HDAC9: variants seen among roughly 807,000 people sequenced by gnomAD.
HDAC9 encodes MEF-2 interacting transcription repressor (MITR) protein.
In HDAC9, 41 loss-of-function variants were observed where a neutral mutation model predicts 139.4. The ratio of observed to expected loss-of-function variants is 0.29; its 90% confidence interval spans 0.23 to 0.38. HDAC9 has a LOEUF of 0.38. Among genes scored for constraint, HDAC9 ranks in the 10% least tolerant of loss-of-function variants. The pLI is 1.00. For missense variants in HDAC9, 1,147 were observed against 1,297.0 expected (o/e 0.88, Z 1.78); for synonymous variants, 517 against 476.2 (o/e 1.09, Z -1.12).
chr7:18,505,700 C>G (rs1799579966), intron 2 of HDAC9: 1 of 152,202 alleles, frequency 6.6e-6, no homozygotes, highest in Admixed American at 6.5e-5. Flanking sequence ...CCACTCTTGG[C>G]TTTCCAACAG....
intron 1 of HDAC9, among the ~76,000 whole-genome samples, chr7:18,372,589 A>T (rs1391085230): frequency 6.6e-6 from 1 of 152,204 alleles, no homozygotes; most frequent in East Asian, 1.9e-4. Context: ...AAATATGTTG[A>T]TAGAAGAGTA....
chr7:18,451,368 CGTGTGTGT>C (rs71553928), intron 1 of HDAC9, among the ~76,000 whole-genome samples: 45 of 138,882 alleles, frequency 3.2e-4, no homozygotes, highest in African/African-American at 7.8e-4. Flanking sequence ...TGTATATGTG[CGTGTGTGT>C]GTGTGTGTGT....
chr7:18,145,981 A>G (rs1786290507), intron 1 of HDAC9, among the ~76,000 whole-genome samples: 1 of 152,204 alleles, frequency 6.6e-6, no homozygotes, highest in East Asian at 1.9e-4. Context: ...CTCTGGAAAA[A>G]GGGCACATAG....
rs147992920 is a variant in HDAC9 at position 18,981,113 on chromosome 7, C to T, written c.3170+5160C>T. Reference sequence around the variant, plus strand: ...TGCTGGAATTACAGGTGTGAGCCACCGTGCCCGGCCTGTTTCTTCTTTTAA... The same window carrying T: ...TGCTGGAATTACAGGTGTGAGCCACTGTGCCCGGCCTGTTTCTTCTTTTAA... On this transcript the variant is annotated intron_variant, in intron 25 of 25. Coordinates refer to ENST00000686413, the MANE Select transcript of HDAC9 (RefSeq NM_178425.4). 1.2e-3 allele frequency among the ~76,000 whole-genome samples: 176 copies of T among 152,136 alleles called. 1 individual carries two copies. In the Middle Eastern group the frequency reaches 0.014, roughly 12 times the overall value.
chr7:18,400,024 C>T (rs2128732422), intron 1 of HDAC9, among the ~76,000 whole-genome samples: 1 of 152,206 alleles, frequency 6.6e-6, no homozygotes, highest in Non-Finnish European at 1.5e-5. Flanking sequence ...GCATCAGAGC[C>T]CAAAGGAAAA....
At chr7:18,901,249 T>TATATAC (rs775181846) in intron 22 of HDAC9, among the ~76,000 whole-genome samples, 74 of 133,456 alleles carry the variant, frequency 5.5e-4, no homozygotes, top group Non-Finnish European at 9.7e-4. Flanking sequence ...CACACACACA[T>TATATAC]ATATACATAT....
At chr7:18,727,945 A>T (rs1237726209) in intron 13 of HDAC9, among the ~76,000 whole-genome samples, 188 bp downstream of exon 13, 1 of 152,202 alleles carries the variant, frequency 6.6e-6, no homozygotes, top group Non-Finnish European at 1.5e-5. Context: ...TGGGCTTAGT[A>T]CTAATAGCCT....
chr7:18,590,578 C>A, intron 4 of HDAC9, 92 bp downstream of exon 4: 1 of 1,298,044 alleles, frequency 7.7e-7, no homozygotes, highest in Non-Finnish European at 1.0e-6. Context: ...TGCGGTTAGA[C>A]TCGTCAAAAT....
chr7:18,283,713 A>G (rs1797252837), intron 2 of HDAC9, among the ~76,000 whole-genome samples: 1 of 152,218 alleles, frequency 6.6e-6, no homozygotes, highest in Non-Finnish European at 1.5e-5. Flanking sequence ...ATATAATTCC[A>G]TATAGTTACT....
intron 2 of HDAC9, among the ~76,000 whole-genome samples, chr7:18,506,430 G>A (rs1245268510): frequency 1.3e-5 from 2 of 152,124 alleles, no homozygotes; most frequent in Non-Finnish European, 2.9e-5. Flanking sequence ...TCTTGGGGCT[G>A]TTGACCCTTC....
intron 1 of HDAC9, among the ~76,000 whole-genome samples, chr7:18,438,361 C>G (rs1381311249): frequency 6.6e-6 from 1 of 152,004 alleles, no homozygotes; most frequent in Non-Finnish European, 1.5e-5. Context: ...GTGCTGGGCA[C>G]TCTGATATAC....
chr7:18,898,847 G>A (rs1801445009), intron 22 of HDAC9, among the ~76,000 whole-genome samples: 1 of 151,796 alleles, frequency 6.6e-6, no homozygotes, highest in Non-Finnish European at 1.5e-5. Flanking sequence ...AAATCCAGAG[G>A]TCCAATATTT....
chr7:18,788,737 A>G (rs1053971654), intron 16 of HDAC9, among the ~76,000 whole-genome samples: 3 of 146,332 alleles, frequency 2.1e-5, no homozygotes, highest in Non-Finnish European at 4.5e-5. Flanking sequence ...CCTGGATGAC[A>G]GAGCGAGACT....
At chr7:18,539,310 T>A (rs1811953128) in intron 2 of HDAC9, among the ~76,000 whole-genome samples, 1 of 151,932 alleles carries the variant, frequency 6.6e-6, no homozygotes, top group Non-Finnish European at 1.5e-5. Context: ...CCAGACAAAT[T>A]CAAATTCAGG....
At chr7:18,727,841 A>G (rs1785682044) in intron 13 of HDAC9, 84 bp downstream of exon 13, 1 of 1,088,756 alleles carries the variant, frequency 9.2e-7, no homozygotes, top group African/African-American at 1.6e-5. Flanking sequence ...GCTCTGAATA[A>G]CTCCAATAGC....
In HDAC9 at chr7:18,858,882, A is replaced by G. The variant is rs80245407; in HGVS notation, c.2685-15596A>G. ...GAGTGGCATACCTACTTCCCTTCTA[A>G]CTCACAGAAACACTGAAGTGATTGC... On this transcript the variant is annotated intron_variant, in intron 21 of 25. Coordinates refer to ENST00000686413, the MANE Select transcript of HDAC9 (RefSeq NM_178425.4). 1.3e-4 allele frequency among the ~76,000 whole-genome samples: 20 copies of G among 152,170 alleles called. No homozygotes were observed. The East Asian group carries it at 3.9e-3, about 29-fold the overall frequency.
intron 6 of HDAC9, among the ~76,000 whole-genome samples, chr7:18,608,070 A>G (rs73309439): frequency 0.027 from 4,047 of 152,264 alleles, 186 homozygotes; most frequent in African/African-American, 0.092. Context: ...ATGATTCCTA[A>G]TTTATAGTAT....
At chr7:18,183,585 T>C (rs1298050145) in intron 2 of HDAC9, among the ~76,000 whole-genome samples, 1 of 152,246 alleles carries the variant, frequency 6.6e-6, no homozygotes, top group Admixed American at 6.5e-5. Context: ...AAGGTTATCC[T>C]AGCATAAGAA....
chr7:18,972,138 T>G (rs184361249), intron 24 of HDAC9, among the ~76,000 whole-genome samples: 1 of 152,314 alleles, frequency 6.6e-6, no homozygotes. Flanking sequence ...AAAGGTTTTC[T>G]GCCATAGCAA....
Sources: allele counts gnomAD v4.1 joint callset (sites outside exome capture counted in the v4.1 genomes callset), GRCh38; gene constraint gnomAD v4.1.1; transcripts MANE v1.5; gene names NCBI Gene and HGNC (gene_info 2026-07-23, HGNC 2026-07-21).